Variants in CA8 observed in about 807,000 individuals in gnomAD.
The protein encoded by CA8 is carbonic anhydrase-related protein.
Under a neutral mutation model 41.4 loss-of-function variants are expected in CA8, and 22 were observed. The observed-to-expected ratio is 0.53, with a 90% CI of 0.38 to 0.76. The LOEUF (loss-of-function observed/expected upper bound fraction) is 0.76. Among genes scored for constraint, CA8 ranks in the 30% least tolerant of loss-of-function variants. CA8 has a pLI of 0.00. For synonymous variants in CA8, 121 were observed against 130.6 expected, an observed-to-expected ratio of 0.93 and a Z score of 0.50; for missense variants, 270 against 352.8, an observed-to-expected ratio of 0.77 and a Z score of 1.88.
intron 3 of CA8, among the ~76,000 whole-genome samples, chr8:60,263,658 G>A (rs1803810117): frequency 6.6e-6 from 1 of 152,156 alleles, no homozygotes; most frequent in Non-Finnish European, 1.5e-5. Flanking sequence ...CAGAACCAGG[G>A]GACCTGTAGT....
chr8:60,225,011 C>T (rs1003475251), intron 5 of CA8, among the ~76,000 whole-genome samples: 1 of 151,936 alleles, frequency 6.6e-6, no homozygotes, highest in African/African-American at 2.4e-5. Flanking sequence ...GCATTACAAC[C>T]AGGCTTGCAA....
chr8:60,256,559 T>C (rs1034565668), intron 3 of CA8, among the ~76,000 whole-genome samples: 12 of 152,236 alleles, frequency 7.9e-5, no homozygotes, highest in African/African-American at 2.9e-4. Flanking sequence ...CTAACATCCC[T>C]GTGCCATTTT....
intron 3 of CA8, among the ~76,000 whole-genome samples, chr8:60,261,447 C>A (rs921118966): frequency 4.6e-5 from 7 of 152,220 alleles, no homozygotes; most frequent in African/African-American, 1.7e-4. Context: ...GCTTTTAGGC[C>A]CAGAAGGCAA....
chr8:60,234,946 T>C (rs1372463542), intron 3 of CA8, among the ~76,000 whole-genome samples: 3 of 152,196 alleles, frequency 2.0e-5, no homozygotes, highest in African/African-American at 7.2e-5. Flanking sequence ...ACCAGGCAAA[T>C]GTCCAACCCA....
rs535745684 is a variant in CA8, at chr8:60,216,953, G to A, written c.738+5696C>T. On this transcript the variant is annotated intron_variant, in intron 7 of 8. Coordinates refer to ENST00000317995, the MANE Select transcript of CA8 (RefSeq NM_004056.6). ...GGCTGGAGTGGAGTGGTACAGTCTC[G>A]GTTCACTGCAACTTCCGCCTCCCAG... is the stretch of plus-strand genomic sequence containing the variant. Among the ~76,000 whole-genome samples, 508 of 152,206 alleles carry A rather than the reference G, an allele frequency of 3.3e-3. 1 individual carries two copies. The highest frequency in any genetic ancestry group is 5.7e-3 in the Non-Finnish European group (389 of 67,978).
At chr8:60,228,408 C>A (rs1286395842) in intron 4 of CA8, among the ~76,000 whole-genome samples, 1 of 152,212 alleles carries the variant, frequency 6.6e-6, no homozygotes, top group Non-Finnish European at 1.5e-5. Context: ...TACTATAGCA[C>A]TGGGAGGCCT....
intron 3 of CA8, among the ~76,000 whole-genome samples, chr8:60,259,692 T>C (rs554917976): frequency 7.9e-4 from 120 of 151,130 alleles, no homozygotes; most frequent in Non-Finnish European, 1.5e-3. Context: ...TTTTATGAAG[T>C]AAAAATGCAA....
At chr8:60,241,812 A>G (rs1231959702) in intron 3 of CA8, among the ~76,000 whole-genome samples, 2 of 151,798 alleles carry the variant, frequency 1.3e-5, no homozygotes, top group African/African-American at 4.8e-5. Context: ...TCCCTACTTC[A>G]TTTATTATTT....
intron 1 of CA8, 147 bp from the exon 2 acceptor site, chr8:60,280,027 T>C: frequency 1.6e-6 from 1 of 641,446 alleles, no homozygotes; most frequent in South Asian, 2.7e-5. Flanking sequence ...GGTAATTCTA[T>C]TTGTTTTTGC....
At chr8:60,206,669 C>G (rs1806595870) in intron 8 of CA8, among the ~76,000 whole-genome samples, 1 of 152,112 alleles carries the variant, frequency 6.6e-6, no homozygotes, top group South Asian at 2.1e-4. Flanking sequence ...TAGCTCCTGC[C>G]CCTTCATCAT....
At chr8:60,254,240 T>C (rs1451124105) in intron 3 of CA8, among the ~76,000 whole-genome samples, 1 of 152,234 alleles carries the variant, frequency 6.6e-6, no homozygotes, top group Non-Finnish European at 1.5e-5. Context: ...GAATGGTATA[T>C]GCCACTCTAC....
chr8:60,216,319 C>G (rs181963529), intron 7 of CA8, among the ~76,000 whole-genome samples: 203 of 133,184 alleles, frequency 1.5e-3, no homozygotes, highest in Non-Finnish European at 2.6e-3. Context: ...TTCTAAATCA[C>G]TCTAAATTGC....
intron 3 of CA8, among the ~76,000 whole-genome samples, chr8:60,246,060 C>A (rs184551631): frequency 1.3e-5 from 2 of 152,298 alleles, no homozygotes; most frequent in African/African-American, 4.8e-5. Context: ...TCTTACCTAA[C>A]CGTGAACCTC....
intron 4 of CA8, among the ~76,000 whole-genome samples, chr8:60,229,091 C>T (rs62511582): frequency 0.15 from 22,807 of 152,124 alleles, 1,827 homozygotes; most frequent in South Asian, 0.23. Context: ...TGCTGTCTTT[C>T]GCCACCACTG....
At chr8:60,237,609 G>A (rs1316900837) in intron 3 of CA8, among the ~76,000 whole-genome samples, 1 of 152,180 alleles carries the variant, frequency 6.6e-6, no homozygotes. Context: ...GCTCTACCTG[G>A]TAAACACACT....
At chr8:60,230,897 C>A (rs1162610115) in intron 4 of CA8, among the ~76,000 whole-genome samples, 1 of 152,116 alleles carries the variant, frequency 6.6e-6, no homozygotes, top group Non-Finnish European at 1.5e-5. Flanking sequence ...TAATTCCATC[C>A]ACAAATATTT....
chr8:60,241,009 G>A (rs994478730), intron 3 of CA8, among the ~76,000 whole-genome samples: 2 of 152,170 alleles, frequency 1.3e-5, no homozygotes, highest in African/African-American at 4.8e-5. Flanking sequence ...CACAAAATGG[G>A]TCATTAAATA....
At chr8:60,201,856 C>T (rs1220975937) in intron 8 of CA8, among the ~76,000 whole-genome samples, 1 of 152,092 alleles carries the variant, frequency 6.6e-6, no homozygotes. Context: ...TCGTGTTGTA[C>T]TTTAATGCAA....
At chr8:60,224,514 T>C in intron 6 of CA8, 23 bp downstream of exon 6, 1 of 1,404,858 alleles carries the variant, frequency 7.1e-7, no homozygotes, top group African/African-American at 1.4e-5. Flanking sequence ...AAATTCATTT[T>C]ATGCAATCAG....
Sources: allele counts gnomAD v4.1 joint callset (sites outside exome capture counted in the v4.1 genomes callset), GRCh38; gene constraint gnomAD v4.1.1; transcripts MANE v1.5; gene names NCBI Gene and HGNC (gene_info 2026-07-23, HGNC 2026-07-21).